FRMD6: variants seen among roughly 807,000 people sequenced by gnomAD.
FRMD6 encodes the protein FERM domain containing 6.
FRMD6 carries 37 observed loss-of-function variants against 73.2 expected under a neutral mutation model. That is an observed-to-expected ratio of 0.51 (90% CI 0.39 to 0.66). FRMD6 has a LOEUF of 0.66. Among genes scored for constraint, FRMD6 ranks in the 30% least tolerant of loss-of-function variants. The probability of loss-of-function intolerance (pLI) is 0.00; values close to 1 mark genes in which losing one functional copy is unlikely to be tolerated. For synonymous variants in FRMD6, 273 were observed against 282.2 expected (o/e 0.97, Z 0.33); for missense variants, 714 against 780.5 (o/e 0.91, Z 1.02).
upstream of FRMD6, among the ~76,000 whole-genome samples, chr14:51,488,019 C>G (rs967783363): frequency 3.9e-5 from 6 of 152,282 alleles, no homozygotes; most frequent in Non-Finnish European, 8.8e-5. Context: ...AGTGTTCAAA[C>G]GATGTAGTAA....
rs562980538 is a variant in FRMD6 at position 51,637,135 on chromosome 14, T to C, written c.-146-52556T>C. On this transcript the variant is annotated intron_variant, in intron 2 of 14. Coordinates refer to the FRMD6 transcript ENST00000356218. ...TACGTGGGAGGCTGAAGTGGGAGGA[T>C]TGCTTGAGCCTGGGAGGTCAAGGCT... 3.4e-4 allele frequency among the ~76,000 whole-genome samples: 52 copies of C among 152,164 alleles called. 1 individual carries two copies. Among genetic ancestry groups the C allele is most frequent in the African/African-American group, 1.1e-3 (47 of 41,508 alleles).
intron 1 of FRMD6, among the ~76,000 whole-genome samples, chr14:51,496,017 G>A (rs1883270957): frequency 6.6e-6 from 1 of 152,200 alleles, no homozygotes; most frequent in Non-Finnish European, 1.5e-5. Context: ...TGGAATACAA[G>A]AGAAGTGATG....
chr14:51,659,343 C>T (rs904278484), intron 1 of FRMD6, among the ~76,000 whole-genome samples: 1 of 152,224 alleles, frequency 6.6e-6, no homozygotes, highest in African/African-American at 2.4e-5. Flanking sequence ...GCTATTGCTG[C>T]TTAAGACAAA....
At chr14:51,481,407 C>T in the FRMD6 span, among the ~76,000 whole-genome samples, 32 of 152,288 alleles carry the variant, frequency 2.1e-4, no homozygotes, top group Non-Finnish European at 3.2e-4. Flanking sequence ...CATCAACTCT[C>T]GTGAGACTTA....
intron 1 of FRMD6, among the ~76,000 whole-genome samples, chr14:51,564,829 G>A (rs1887688690): frequency 6.6e-6 from 1 of 152,052 alleles, no homozygotes; most frequent in Non-Finnish European, 1.5e-5. Flanking sequence ...TCAACATGTG[G>A]GATATTTTCC....
rs1454791597 is a variant in FRMD6 at position 51,542,503 on chromosome 14, TG to T, written c.-209-27844del. 2.0e-5 allele frequency among the ~76,000 whole-genome samples: 3 copies of T among 152,128 alleles called. No homozygotes were observed. In the South Asian group the frequency reaches 6.2e-4, roughly 31 times the overall value. ...CTGAATAATATTCCATAGTATGATA[TG>T]CCACATTTTCCTTATTCAGTAATTT... On this transcript the variant is annotated intron_variant, in intron 1 of 14. Coordinates refer to the FRMD6 transcript ENST00000356218.
intron 1 of FRMD6, among the ~76,000 whole-genome samples, chr14:51,664,209 A>T (rs1893417722): frequency 1.3e-5 from 2 of 152,242 alleles, no homozygotes; most frequent in Admixed American, 1.3e-4. Context: ...AGGTTAGTGA[A>T]TCCCAAGAGC....
intron 2 of FRMD6, among the ~76,000 whole-genome samples, chr14:51,588,612 G>C (rs1243440316): frequency 6.6e-6 from 1 of 152,184 alleles, no homozygotes; most frequent in African/African-American, 2.4e-5. Flanking sequence ...TTAGTGATCA[G>C]CTTGAATGCT....
chr14:51,455,183 A>C, the FRMD6 span, among the ~76,000 whole-genome samples: 1 of 152,230 alleles, frequency 6.6e-6, no homozygotes, highest in Non-Finnish European at 1.5e-5. Flanking sequence ...ACTTAAATGC[A>C]CCGGGAATCC....
chr14:51,680,172 G>A (rs1011199031), intron 1 of FRMD6, among the ~76,000 whole-genome samples: 1 of 152,200 alleles, frequency 6.6e-6, no homozygotes, highest in African/African-American at 2.4e-5. Flanking sequence ...AGAAGGCTCT[G>A]TAACCAGGCT....
intron 2 of FRMD6, among the ~76,000 whole-genome samples, chr14:51,629,866 T>A (rs1891269425): frequency 6.6e-6 from 1 of 152,212 alleles, no homozygotes; most frequent in Admixed American, 6.5e-5. Flanking sequence ...ATTATCTATA[T>A]GTTTCCTTCC....
chr14:51,508,692 G>T (rs1350869619), intron 1 of FRMD6, among the ~76,000 whole-genome samples: 1 of 152,164 alleles, frequency 6.6e-6, no homozygotes, highest in Non-Finnish European at 1.5e-5. Flanking sequence ...GGCCCATCCT[G>T]AGCACTCCCC....
chr14:51,474,695 G>A, the FRMD6 span, among the ~76,000 whole-genome samples: 1 of 152,168 alleles, frequency 6.6e-6, no homozygotes, highest in Non-Finnish European at 1.5e-5. Context: ...AGTTTGAGAA[G>A]GATCTTGAGA....
At chr14:51,691,490 T>A (rs533214388) in intron 2 of FRMD6, among the ~76,000 whole-genome samples, 11 of 152,242 alleles carry the variant, frequency 7.2e-5, no homozygotes, top group Non-Finnish European at 1.3e-4. Context: ...TTTCATAGAT[T>A]GTATTCTGAT....
chr14:51,602,655 G>A (rs996508191), intron 2 of FRMD6, among the ~76,000 whole-genome samples: 1 of 152,130 alleles, frequency 6.6e-6, no homozygotes, highest in South Asian at 2.1e-4. Flanking sequence ...GGCCCAAAAA[G>A]CCTAAAATAT....
intron 1 of FRMD6, among the ~76,000 whole-genome samples, chr14:51,504,166 TCAG>T (rs1566781610): frequency 2.6e-4 from 40 of 152,326 alleles, no homozygotes; most frequent in African/African-American, 8.9e-4. Flanking sequence ...CTTTTAACAG[TCAG>T]GCTACTCTAC....
chr14:51,412,083 C>T, the FRMD6 span, among the ~76,000 whole-genome samples: 13 of 136,014 alleles, frequency 9.6e-5, no homozygotes, highest in Non-Finnish European at 3.3e-5. Context: ...CCAGTTGGCA[C>T]GTTATATAGT....
At chr14:51,569,791 C>T (rs1380789585) in intron 1 of FRMD6, among the ~76,000 whole-genome samples, 1 of 150,072 alleles carries the variant, frequency 6.7e-6, no homozygotes, top group African/African-American at 2.5e-5. Flanking sequence ...CTTGAGGCAT[C>T]ATGCCCGGCC....
intron 1 of FRMD6, among the ~76,000 whole-genome samples, chr14:51,569,823 CT>C (rs11350712): frequency 0.45 from 63,282 of 140,854 alleles, 13,995 homozygotes; most frequent in African/African-American, 0.52. Context: ...TCTTCTTTTT[CT>C]TTTTTTTTTT....
Sources: gnomAD v4.1 joint callset for allele counts (sites outside exome capture counted in the v4.1 genomes callset) on GRCh38, gnomAD v4.1.1 for gene constraint, MANE v1.5 for transcripts, NCBI Gene and HGNC (gene_info 2026-07-23, HGNC 2026-07-21) for gene names.